Variants in DCDC1 observed in about 807,000 individuals in gnomAD.
DCDC1 encodes doublecortin domain-containing protein 1.
A neutral mutation model predicts 178.3 loss-of-function variants in DCDC1; 200 were observed. The ratio of observed to expected loss-of-function variants is 1.12; its 90% CI spans 1.00 to 1.26. The LOEUF (loss-of-function observed/expected upper bound fraction) is 1.26. DCDC1 is among the 50% of genes most tolerant of loss of function. DCDC1 has a pLI of 0.00. For missense variants in DCDC1, 1,983 were observed against 1,749.2 expected (o/e 1.13, Z -2.38); for synonymous variants, 690 against 604.8 (o/e 1.14, Z -2.07).
At chr11:30,877,340 G>T (rs193187867) in intron 38 of DCDC1, among the ~76,000 whole-genome samples, 1 of 152,058 alleles carries the variant, frequency 6.6e-6, no homozygotes, top group Non-Finnish European at 1.5e-5. Context: ...GTTGTGAGTG[G>T]TTTTCAGAGG....
At chr11:31,251,428 T>C (rs1373608923) in intron 8 of DCDC1, among the ~76,000 whole-genome samples, 1 of 152,082 alleles carries the variant, frequency 6.6e-6, no homozygotes, top group Non-Finnish European at 1.5e-5. Flanking sequence ...CTCTCTAATG[T>C]TGGTGGGCCT....
intron 1 of DCDC1, among the ~76,000 whole-genome samples, chr11:31,359,924 T>C (rs2133375564): frequency 6.6e-6 from 1 of 152,368 alleles, no homozygotes; most frequent in South Asian, 2.1e-4. Context: ...TTTTTGCCTC[T>C]GTCTCTTCCC....
At chr11:31,146,626 C>T (rs1340036131) in intron 9 of DCDC1, among the ~76,000 whole-genome samples, 7 of 152,174 alleles carry the variant, frequency 4.6e-5, no homozygotes, top group Non-Finnish European at 1.0e-4. Context: ...CCCCACTGGC[C>T]TGCAGTGTGT....
At position 31,094,071 on chromosome 11, in the gene DCDC1, GGCTACAGGC is replaced by G. The variant is rs760485912; in HGVS notation, c.2088_2096del (p.Trp696_Ala699delinsCys). 7 of 766,032 alleles carry G rather than the reference GGCTACAGGC, an allele frequency of 9.1e-6. No individual in the cohort carries two copies. The Admixed American group carries it at 1.2e-4, about 13-fold the overall frequency. The allele number at this position is 766,032 out of a possible 1,614,324, so 47.5% of individuals were successfully genotyped here. On this transcript the variant is annotated inframe_deletion, in exon 16 of 39. Coordinates refer to ENST00000684477, the MANE Select transcript of DCDC1 (RefSeq NM_001387274.1). Reference sequence around the variant, plus strand: ...GTACCTTGGTGATCAGCCACACACTGGCTACAGGCCACAGGATCGATGGCGCTATTTGAC... The same window carrying G: ...GTACCTTGGTGATCAGCCACACACTGCACAGGATCGATGGCGCTATTTGAC...
intron 9 of DCDC1, among the ~76,000 whole-genome samples, chr11:31,218,433 T>C (rs1384794781): frequency 6.6e-6 from 1 of 152,176 alleles, no homozygotes; most frequent in Non-Finnish European, 1.5e-5. Context: ...ACTACTTAAA[T>C]GTAACAAAAG....
intron 9 of DCDC1, among the ~76,000 whole-genome samples, chr11:31,199,271 T>G (rs2136418115): frequency 6.6e-6 from 1 of 152,170 alleles, no homozygotes; most frequent in Non-Finnish European, 1.5e-5. Flanking sequence ...GCATGTCACT[T>G]TGTATTACAT....
At chr11:30,926,701 G>C (rs1565085053) in intron 22 of DCDC1, among the ~76,000 whole-genome samples, 1 of 152,178 alleles carries the variant, frequency 6.6e-6, no homozygotes, top group Non-Finnish European at 1.5e-5. Context: ...TCATCATCAA[G>C]ACATAGCTTT....
chr11:30,921,198 A>G (rs942098848), intron 24 of DCDC1, among the ~76,000 whole-genome samples: 2 of 152,162 alleles, frequency 1.3e-5, no homozygotes, highest in Non-Finnish European at 2.9e-5. Context: ...AATGGGCTAC[A>G]TTATTTAGAT....
At chr11:30,925,181 G>T in intron 23 of DCDC1, 128 bp downstream of exon 23, 1 of 804,666 alleles carries the variant, frequency 1.2e-6, no homozygotes, top group Non-Finnish European at 2.0e-6. Context: ...TGTTTGCTCA[G>T]TTAGGATAAT....
At chr11:30,868,140 T>C (rs1247156996) in intron 38 of DCDC1, among the ~76,000 whole-genome samples, 7 of 151,906 alleles carry the variant, frequency 4.6e-5, no homozygotes, top group African/African-American at 1.7e-4. Context: ...GCTTCCTAAC[T>C]CTGATTCTTA....
intron 26 of DCDC1, 52 bp from the exon 27 acceptor site, chr11:30,915,763 T>A (rs1179188162): frequency 1.3e-5 from 20 of 1,549,144 alleles, no homozygotes; most frequent in Non-Finnish European, 1.6e-5. Context: ...ATGCACTTGA[T>A]CATGCACTTG....
intron 20 of DCDC1, among the ~76,000 whole-genome samples, chr11:30,954,163 C>A (rs1025768737): frequency 2.0e-5 from 3 of 151,892 alleles, no homozygotes; most frequent in African/African-American, 7.3e-5. Context: ...CTACAGGCGC[C>A]TGCCACCACG....
intron 2 of DCDC1, among the ~76,000 whole-genome samples, chr11:31,331,339 T>C (rs545812353): frequency 6.6e-6 from 1 of 152,332 alleles, no homozygotes; most frequent in East Asian, 1.9e-4. Flanking sequence ...AGGGACAATT[T>C]GACTTCCTCT....
intron 23 of DCDC1, among the ~76,000 whole-genome samples, chr11:30,923,448 T>C (rs930447448): frequency 7.1e-6 from 1 of 141,266 alleles, no homozygotes; most frequent in Non-Finnish European, 1.5e-5. Context: ...TGTCCTTAAA[T>C]GGATAAATAT....
Position 31,328,945 on chromosome 11 carries a change from C to CTT in DCDC1, c.-6-661_-6-660dup, listed in dbSNP as rs1176942329. ...GTTACTGAAAAAGCACACCACAAGG[C>CTT]TTTTTTTTTTTTTTTTTTTTTTTTT... On this transcript the variant is annotated intron_variant, in intron 2 of 38. Transcript: ENST00000684477. Among the ~76,000 whole-genome samples the CTT allele has an allele frequency of 9.0e-3, 429 of 47,598 alleles. 78 individuals carry two copies. Among genetic ancestry groups the CTT allele is most frequent in the Non-Finnish European group, 0.013 (298 of 23,612 alleles). The allele number at this position is 47,598 out of a possible 152,430, so 31.2% of individuals were successfully genotyped here.
chr11:31,186,813 C>T (rs921546863), intron 9 of DCDC1, among the ~76,000 whole-genome samples: 1 of 152,342 alleles, frequency 6.6e-6, no homozygotes, highest in South Asian at 2.1e-4. Context: ...CAGCTTCATA[C>T]AGCTTCTCTG....
intron 1 of DCDC1, among the ~76,000 whole-genome samples, chr11:31,337,463 G>A (rs1425450080): frequency 6.6e-6 from 1 of 152,188 alleles, no homozygotes; most frequent in African/African-American, 2.4e-5. Flanking sequence ...GAGTCCGGGA[G>A]TTTGAGACCA....
chr11:31,042,291 G>A (rs994161462), intron 20 of DCDC1, among the ~76,000 whole-genome samples: 2 of 152,074 alleles, frequency 1.3e-5, no homozygotes, highest in African/African-American at 2.4e-5. Context: ...TTTATGTAAC[G>A]GAACACACAG....
chr11:31,037,838 T>C lies in DCDC1; in HGVS notation c.2591+26631A>G, dbSNP rs1565208260. 1.3e-5 allele frequency among the ~76,000 whole-genome samples: 2 copies of C among 152,012 alleles called. 1 individual carries two copies. The highest frequency in any genetic ancestry group is 4.1e-4 in the South Asian group (2 of 4,822). On this transcript the variant is annotated intron_variant, in intron 20 of 38. Transcript: ENST00000684477. ...TATCTCAGCTAACCATTTCCCACAA[T>C]TCATCATGGTTTTAAAGGAGATTCA...
Sources: gnomAD v4.1 joint callset for allele counts (sites outside exome capture counted in the v4.1 genomes callset) on GRCh38, gnomAD v4.1.1 for gene constraint, MANE v1.5 for transcripts, NCBI Gene and HGNC (gene_info 2026-07-23, HGNC 2026-07-21) for gene names.